PHACTR1: variants seen among roughly 807,000 people sequenced by gnomAD.
PHACTR1 encodes phosphatase and actin regulator 1.
PHACTR1 carries 16 observed loss-of-function variants against 69.2 expected under a neutral mutation model. That is an observed-to-expected ratio of 0.23 (90% CI 0.16 to 0.35). The LOEUF is 0.35. Ranked by LOEUF, PHACTR1 falls within the 10% of genes least tolerant of loss-of-function variation. The pLI is 1.00. For synonymous variants in PHACTR1, 312 were observed against 284.5 expected (o/e 1.10, Z -0.97); for missense variants, 510 against 734.7 (o/e 0.69, Z 3.54).
intron 4 of PHACTR1, among the ~76,000 whole-genome samples, chr6:12,815,452 G>A (rs146117739): frequency 9.3e-4 from 141 of 152,298 alleles, no homozygotes; most frequent in South Asian, 5.8e-3. Context: ...CTACTAAACA[G>A]CAAAGGTGAC....
intron 4 of PHACTR1, among the ~76,000 whole-genome samples, chr6:12,812,486 A>G (rs1775129026): frequency 6.6e-6 from 1 of 152,224 alleles, no homozygotes; most frequent in Non-Finnish European, 1.5e-5. Flanking sequence ...ACTAAGGTTA[A>G]AAGAAGCGAA....
At chr6:12,734,190 C>T (rs1199777721) in intron 3 of PHACTR1, among the ~76,000 whole-genome samples, 1 of 152,172 alleles carries the variant, frequency 6.6e-6, no homozygotes, top group Admixed American at 6.5e-5. Flanking sequence ...GTTTTATCCT[C>T]CCAAGGCCCA....
intron 4 of PHACTR1, among the ~76,000 whole-genome samples, chr6:12,888,035 T>C (rs1193190025): frequency 1.6e-5 from 2 of 125,260 alleles, no homozygotes; most frequent in Non-Finnish European, 3.1e-5. Context: ...ATTGAGCTAC[T>C]GCACTCTAGC....
intron 10 of PHACTR1, among the ~76,000 whole-genome samples, chr6:13,254,419 C>T (rs1774906365): frequency 6.6e-6 from 1 of 152,256 alleles, no homozygotes; most frequent in South Asian, 2.1e-4. Flanking sequence ...ACTCTCTATC[C>T]TTAAAGAGAA....
intron 4 of PHACTR1, among the ~76,000 whole-genome samples, chr6:13,010,940 T>G (rs1353632020): frequency 6.6e-6 from 1 of 152,218 alleles, no homozygotes; most frequent in Non-Finnish European, 1.5e-5. Context: ...ACATCAGCCC[T>G]GCTGCCTGCT....
At chr6:13,024,222 T>C (rs1323284586) in intron 4 of PHACTR1, among the ~76,000 whole-genome samples, 1 of 152,190 alleles carries the variant, frequency 6.6e-6, no homozygotes, top group Non-Finnish European at 1.5e-5. Context: ...CTCGCACAAC[T>C]TGAAGGCTGA....
At chr6:13,003,273 A>G (rs61544734) in intron 4 of PHACTR1, among the ~76,000 whole-genome samples, 2 of 152,180 alleles carry the variant, frequency 1.3e-5, no homozygotes, top group African/African-American at 4.8e-5. Context: ...TGTTTCATTC[A>G]TTTTTTATCA....
intron 5 of PHACTR1, among the ~76,000 whole-genome samples, chr6:13,115,395 T>C (rs1189106501): frequency 6.6e-6 from 1 of 151,624 alleles, no homozygotes; most frequent in Non-Finnish European, 1.5e-5. Flanking sequence ...TCTCCCTTTC[T>C]CTCTCTCTCT....
chr6:13,049,765 G>C lies in PHACTR1; in HGVS notation c.251-3600G>C, dbSNP rs55644733. 1.7e-3 allele frequency among the ~76,000 whole-genome samples: 257 copies of C among 152,314 alleles called. 1 individual carries two copies. Among genetic ancestry groups the C allele is most frequent in the African/African-American group, 5.9e-3 (246 of 41,568 alleles). ...ATAAAAAATAGGTTATTTCATGGAG[G>C]AAAAAACTTGAATAAGTGATTCTTG... On this transcript the variant is annotated intron_variant, in intron 4 of 14. Coordinates refer to ENST00000332995, the MANE Select transcript of PHACTR1 (RefSeq NM_030948.6).
intron 4 of PHACTR1, among the ~76,000 whole-genome samples, chr6:13,023,094 G>A (rs1281379046): frequency 1.3e-5 from 2 of 152,156 alleles, no homozygotes; most frequent in Non-Finnish European, 2.9e-5. Context: ...TTTTAGAATT[G>A]AAAATGACCC....
chr6:13,165,142 C>G (rs1366704121), intron 6 of PHACTR1, among the ~76,000 whole-genome samples: 1 of 152,106 alleles, frequency 6.6e-6, no homozygotes, highest in Non-Finnish European at 1.5e-5. Flanking sequence ...GTAGCATGGA[C>G]AGAAAATTAT....
Position 13,278,257 on chromosome 6 carries a change from AT to A in PHACTR1, c.1448-3del, listed in dbSNP as rs771327107. ...ACTGAAATAAAAAAACATCTTAAAT[AT>A]TTTTTTTAGCTCGGAATGAACAAGA... On this transcript the variant is annotated splice_polypyrimidine_tract_variant and intron_variant, in intron 11 of 14. Coordinates refer to ENST00000332995, the MANE Select transcript of PHACTR1 (RefSeq NM_030948.6). The A allele has an allele frequency of 2.9e-5, 45 of 1,569,718 alleles. No homozygotes were observed. Among genetic ancestry groups the A allele is most frequent in the Admixed American group, 1.1e-4 (6 of 53,282 alleles).
At chr6:12,849,277 A>G (rs1779590421) in intron 4 of PHACTR1, among the ~76,000 whole-genome samples, 1 of 152,186 alleles carries the variant, frequency 6.6e-6, no homozygotes, top group Admixed American at 6.5e-5. Context: ...ATTAACAATA[A>G]AGCGCTTAGG....
chr6:12,798,858 G>A (rs530134890), intron 4 of PHACTR1, among the ~76,000 whole-genome samples: 6 of 152,312 alleles, frequency 3.9e-5, no homozygotes, highest in African/African-American at 1.4e-4. Flanking sequence ...TATGGCCCTT[G>A]CCTGAATCTA....
intron 5 of PHACTR1, among the ~76,000 whole-genome samples, chr6:13,149,088 A>T (rs55965695): frequency 0.94 from 143,677 of 152,252 alleles, 68,202 homozygotes; most frequent in Non-Finnish European, 0.99. Context: ...TTACCAGAAC[A>T]TTTGATGAAA....
At chr6:13,277,987 C>T (rs77222298) in intron 11 of PHACTR1, 19,334 of 206,786 alleles carry the variant, frequency 0.093, 1,269 homozygotes, top group Admixed American at 0.24. Flanking sequence ...CTTGTAGCCA[C>T]ATTTCTCAAC....
Position 12,888,266 on chromosome 6 carries a change from C to T in PHACTR1, c.250+138476C>T, listed in dbSNP as rs146401688. ...CCCTTTTGCCCTTTTGCTCCTTCTACGACATGAGCATGCCTAGCTGGTGCC... is the reference window on the plus strand; with the variant it reads ...CCCTTTTGCCCTTTTGCTCCTTCTATGACATGAGCATGCCTAGCTGGTGCC... On this transcript the variant is annotated intron_variant, in intron 4 of 14. Coordinates refer to ENST00000332995, the MANE Select transcript of PHACTR1 (RefSeq NM_030948.6). Among the ~76,000 whole-genome samples, 1,354 of 152,134 alleles carry T rather than the reference C, an allele frequency of 8.9e-3. 13 individuals carry two copies. Among genetic ancestry groups the T allele is most frequent in the South Asian group, 0.03 (145 of 4,814 alleles).
rs1581475714 is a variant in PHACTR1 at position 12,732,434 on chromosome 6, G to T, written c.103+13587G>T. Among the ~76,000 whole-genome samples the T allele has an allele frequency of 2.0e-5, 3 of 152,166 alleles. No homozygotes were observed. The South Asian group carries it at 6.2e-4, about 32-fold the overall frequency. On this transcript the variant is annotated intron_variant, in intron 3 of 14. Coordinates refer to ENST00000332995, the MANE Select transcript of PHACTR1 (RefSeq NM_030948.6). Reference sequence around the variant, plus strand: ...ACATAGGTATACGTGTGTCATGGCGGTTTGCTGCACCTATTGACCCATCCT... The same window carrying T: ...ACATAGGTATACGTGTGTCATGGCGTTTTGCTGCACCTATTGACCCATCCT...
chr6:12,795,347 G>A (rs754345607), intron 4 of PHACTR1, among the ~76,000 whole-genome samples: 9 of 152,170 alleles, frequency 5.9e-5, no homozygotes, highest in Non-Finnish European at 1.2e-4. Flanking sequence ...GTAACTAGCT[G>A]TGTCAATTAA....
Sources: gnomAD v4.1 joint callset for allele counts (sites outside exome capture counted in the v4.1 genomes callset) on GRCh38, gnomAD v4.1.1 for gene constraint, MANE v1.5 for transcripts, NCBI Gene and HGNC (gene_info 2026-07-23, HGNC 2026-07-21) for gene names.